SHQ1: variants seen among roughly 807,000 people sequenced by gnomAD.
SHQ1 encodes the protein protein SHQ1 homolog.
In SHQ1, 49 loss-of-function variants were observed where a neutral mutation model predicts 53.8. The ratio of observed to expected loss-of-function variants is 0.91; its 90% CI spans 0.72 to 1.16. The LOEUF is 1.16. SHQ1 is among the 50% of genes most tolerant of loss of function. SHQ1 has a pLI of 0.00. For missense variants in SHQ1, 738 were observed against 683.1 expected, an observed-to-expected ratio of 1.08 and a Z score of -0.90; for synonymous variants, 243 against 251.0, an observed-to-expected ratio of 0.97 and a Z score of 0.30.
At chr3:72,834,868 T>G (rs563405614) in intron 4 of SHQ1, among the ~76,000 whole-genome samples, 1 of 152,292 alleles carries the variant, frequency 6.6e-6, no homozygotes, top group South Asian at 2.1e-4. Flanking sequence ...GGTATTAGTT[T>G]CCTCTTTGCT....
intron 8 of SHQ1, among the ~76,000 whole-genome samples, chr3:72,813,967 T>A (rs1226446793): frequency 6.6e-6 from 1 of 151,598 alleles, no homozygotes; most frequent in East Asian, 1.9e-4. Context: ...CATTAGCAAT[T>A]CAAAACTTAC....
chr3:72,764,535 A>T (rs570704738), intron 10 of SHQ1, among the ~76,000 whole-genome samples: 1 of 152,340 alleles, frequency 6.6e-6, no homozygotes, highest in Non-Finnish European at 1.5e-5. Context: ...CCCTTAAATG[A>T]CAGCCCCTAG....
chr3:72,769,269 G>A (rs1705797381), intron 10 of SHQ1, among the ~76,000 whole-genome samples: 1 of 152,174 alleles, frequency 6.6e-6, no homozygotes, highest in African/African-American at 2.4e-5. Context: ...TATTTCAAGA[G>A]CAGCTATAAA....
At chr3:72,795,453 A>C (rs1706578305) in intron 9 of SHQ1, 1 of 152,232 alleles carries the variant, frequency 6.6e-6, no homozygotes, top group Non-Finnish European at 1.5e-5. Context: ...CAAAATTTGC[A>C]GGCATGATGA....
intron 9 of SHQ1, among the ~76,000 whole-genome samples, chr3:72,806,896 T>C (rs1156998344): frequency 6.6e-6 from 1 of 152,202 alleles, no homozygotes; most frequent in Non-Finnish European, 1.5e-5. Flanking sequence ...ATATATTTTA[T>C]GTTACTGATG....
At chr3:72,778,662 C>T (rs911313269) in intron 10 of SHQ1, among the ~76,000 whole-genome samples, 3 of 151,980 alleles carry the variant, frequency 2.0e-5, no homozygotes, top group Admixed American at 6.6e-5. Context: ...CACATACAAA[C>T]GGCAAACCTC....
rs1705350726 is a variant in SHQ1 at position 72,750,832 on chromosome 3, T to C, written c.1186A>G (p.Lys396Glu). Residue 396 changes from lysine to glutamate, a missense_variant, in exon 11 of 11, where the codon AAA becomes GAA. Physicochemically the swap from Lys to Glu is moderately conservative, Grantham distance 56. Transcript: ENST00000325599. The part of the protein sequence containing the change: ...YCVWIQKVKS[K>E]KLAALAEALK... ...GCTTCTGCAAGAGCTGCCAACTTTT[T>C]GGATCTTGAAAACATTTTAAAAAGA... The C allele has an allele frequency of 9.9e-6, 15 of 1,508,274 alleles. No individual in the cohort carries two copies. The highest frequency in any genetic ancestry group is 1.3e-5 in the Non-Finnish European group (15 of 1,128,050). 93.4% of individuals were successfully genotyped at this position (1,508,274 alleles called of 1,614,324 possible).
At chr3:72,828,694 C>CA (rs950576614) in intron 5 of SHQ1, among the ~76,000 whole-genome samples, 7 of 150,506 alleles carry the variant, frequency 4.7e-5, no homozygotes, top group African/African-American at 1.7e-4. Flanking sequence ...GACTCTGTCT[C>CA]AAAAAAAAGA....
chr3:72,734,377 T>A, the SHQ1 span, among the ~76,000 whole-genome samples: 1 of 151,044 alleles, frequency 6.6e-6, no homozygotes, highest in Non-Finnish European at 1.5e-5. Context: ...TGCTTCAGCC[T>A]CCCAAGCAGC....
At chr3:72,764,965 C>T (rs1705689129) in intron 10 of SHQ1, among the ~76,000 whole-genome samples, 1 of 152,218 alleles carries the variant, frequency 6.6e-6, no homozygotes, top group Non-Finnish European at 1.5e-5. Context: ...GTGTACAGGG[C>T]AGCCTGACTC....
rs1705339045 is a variant in SHQ1, at chr3:72,750,400, C to G, written c.1618G>C (p.Glu540Gln). 2 of 1,614,040 alleles carry G rather than the reference C, an allele frequency of 1.2e-6. No homozygotes were observed. Among genetic ancestry groups the G allele is most frequent in the Admixed American group, 3.3e-5 (2 of 60,004 alleles). ...GTCTTCAGTTGTTCCCCAAGCTCCT[C>G]TATCAGAGGCCCAGACACTCCAAGA... ...WPLGVSGPLI[E>Q]ELGEQLKTTV... The change falls in exon 11 of 11, where the codon GAG becomes CAG. Residue 540 changes from glutamate to glutamine, a missense_variant. Transcript: ENST00000325599.
At chr3:72,780,335 T>G (rs2106755984) in intron 10 of SHQ1, among the ~76,000 whole-genome samples, 1 of 152,300 alleles carries the variant, frequency 6.6e-6, no homozygotes, top group Non-Finnish European at 1.5e-5. Context: ...TTATACAGCA[T>G]TAAGTGAAGT....
In SHQ1 at chr3:72,846,206, T is replaced by A. The variant is rs543703645; in HGVS notation, c.144-1783A>T. On this transcript the variant is annotated intron_variant, in intron 1 of 10. Coordinates refer to ENST00000325599, the MANE Select transcript of SHQ1 (RefSeq NM_018130.3). Reference sequence around the variant, plus strand: ...AATTCTTACTGCAGAGAAAATTATATTTGCTTACATGGGGCCTCCGCAGCT... The same window carrying A: ...AATTCTTACTGCAGAGAAAATTATAATTGCTTACATGGGGCCTCCGCAGCT... The A allele has an allele frequency of 1.2e-4, 177 of 1,535,768 alleles. 1 individual carries two copies. The highest frequency in any genetic ancestry group is 1.5e-4 in the Non-Finnish European group (172 of 1,146,696).
chr3:72,824,677 GA>G, intron 5 of SHQ1, 126 bp from the exon 6 acceptor site: 1 of 1,095,894 alleles, frequency 9.1e-7, no homozygotes, highest in Non-Finnish European at 1.3e-6. Context: ...TTCAAGGAAA[GA>G]CTGAACACTA....
At chr3:72,840,959 A>T in intron 4 of SHQ1, 86 bp downstream of exon 4, 1 of 1,452,804 alleles carries the variant, frequency 6.9e-7, no homozygotes, top group Non-Finnish European at 9.3e-7. Flanking sequence ...TTATTTTTAA[A>T]AACTACCAAG....
chr3:72,826,023 T>C (rs1432075811), intron 5 of SHQ1, among the ~76,000 whole-genome samples: 1 of 152,124 alleles, frequency 6.6e-6, no homozygotes, highest in Non-Finnish European at 1.5e-5. Context: ...AAACTGAGGC[T>C]CAGAAAAGTT....
At chr3:72,747,990 G>GA (rs1049274579), downstream of SHQ1, among the ~76,000 whole-genome samples, 101 of 142,916 alleles carry the variant, frequency 7.1e-4, 2 homozygotes, top group South Asian at 3.1e-3. Context: ...CTGTCTCAAG[G>GA]AAAAAAAAAA....
intron 10 of SHQ1, among the ~76,000 whole-genome samples, chr3:72,770,916 C>T (rs1050707835): frequency 1.3e-5 from 2 of 152,218 alleles, no homozygotes; most frequent in Non-Finnish European, 2.9e-5. Flanking sequence ...GACTAGCCCG[C>T]ACCTGGGAAC....
intron 5 of SHQ1, among the ~76,000 whole-genome samples, chr3:72,829,935 A>T (rs1336645321): frequency 6.6e-6 from 1 of 152,212 alleles, no homozygotes; most frequent in Non-Finnish European, 1.5e-5. Flanking sequence ...ATACTTGGCT[A>T]TAATAATAAG....
Sources: allele counts gnomAD v4.1 joint callset (sites outside exome capture counted in the v4.1 genomes callset), GRCh38; gene constraint gnomAD v4.1.1; transcripts MANE v1.5; gene names NCBI Gene and HGNC (gene_info 2026-07-23, HGNC 2026-07-21).